The following PRKCE variants were observed in gnomAD, a reference collection of about 807,000 sequenced individuals.
PRKCE encodes protein kinase C epsilon type.
A neutral mutation model predicts 85.4 loss-of-function variants in PRKCE; 16 were observed. The observed-to-expected ratio is 0.19, with a 90% confidence interval of 0.13 to 0.28. The LOEUF is 0.28. Among genes scored for constraint, PRKCE ranks in the 10% least tolerant of loss-of-function variants. The probability of loss-of-function intolerance (pLI) is 1.00; values close to 1 mark genes in which losing one functional copy is unlikely to be tolerated. For synonymous variants in PRKCE, 388 were observed against 371.5 expected, an observed-to-expected ratio of 1.04 and a Z score of -0.51; for missense variants, 573 against 975.2, an observed-to-expected ratio of 0.59 and a Z score of 5.49.
chr2:46,165,576 G>T (rs3768734), intron 14 of PRKCE, among the ~76,000 whole-genome samples: 4,490 of 152,348 alleles, frequency 0.029, 83 homozygotes, highest in East Asian at 0.081. Context: ...TGATGGCCTT[G>T]TCTAATTGCC....
intron 10 of PRKCE, among the ~76,000 whole-genome samples, chr2:46,059,157 A>G (rs910448627): frequency 2.6e-5 from 4 of 151,994 alleles, no homozygotes; most frequent in Admixed American, 2.0e-4. Context: ...AGGCTGAGCC[A>G]TGAGGATCAC....
In PRKCE at chr2:46,096,938, G is replaced by A. The variant is rs1386845124; in HGVS notation, c.1592+10576G>A. The stretch of plus-strand genomic sequence containing the variant: ...TTGTAATAGTTAAATAAGCTACTGG[G>A]CATAAAAATGTCTCTGGGGTTGTTT... On this transcript the variant is annotated intron_variant, in intron 11 of 14. Coordinates refer to ENST00000306156, the MANE Select transcript of PRKCE (RefSeq NM_005400.3). 4.8e-4 allele frequency among the ~76,000 whole-genome samples: 73 copies of A among 152,148 alleles called. 1 individual carries two copies. The highest frequency in any genetic ancestry group is 4.3e-3 in the Admixed American group (66 of 15,278).
intron 2 of PRKCE, among the ~76,000 whole-genome samples, chr2:45,928,155 G>A (rs964173417): frequency 6.6e-6 from 1 of 152,218 alleles, no homozygotes; most frequent in Admixed American, 6.5e-5. Flanking sequence ...GTTCTGTGTT[G>A]TGATCTATGG....
chr2:45,661,064 G>A (rs79682026), intron 1 of PRKCE, among the ~76,000 whole-genome samples: 630 of 152,330 alleles, frequency 4.1e-3, no homozygotes, highest in African/African-American at 0.014. Context: ...CCACCTTGAA[G>A]TCTCAAAGAG....
intron 11 of PRKCE, among the ~76,000 whole-genome samples, chr2:46,104,770 T>A (rs1671559903): frequency 6.6e-6 from 1 of 152,134 alleles, no homozygotes; most frequent in Non-Finnish European, 1.5e-5. Flanking sequence ...TGAAACCAAT[T>A]GTCCAATGAA....
Position 45,761,282 on chromosome 2 carries a change from A to C in PRKCE, c.349-81718A>C, listed in dbSNP as rs796413513. Among the ~76,000 whole-genome samples, 29 of 143,576 alleles carry C rather than the reference A, an allele frequency of 2.0e-4. No individual in the cohort carries two copies. The East Asian group carries it at 4.0e-3, about 20-fold the overall frequency. 94.2% of individuals were successfully genotyped at this position (143,576 alleles called of 152,430 possible). On this transcript the variant is annotated intron_variant, in intron 1 of 14. Coordinates refer to ENST00000306156, the MANE Select transcript of PRKCE (RefSeq NM_005400.3). ...GCAGAGCTTGCAGTAAGCCGAGATC[A>C]CACCACTGCACTCCAGCCTGGGCGA...
intron 1 of PRKCE, among the ~76,000 whole-genome samples, chr2:45,715,596 T>A (rs1680021479): frequency 6.6e-6 from 1 of 152,178 alleles, no homozygotes; most frequent in Non-Finnish European, 1.5e-5. Flanking sequence ...CTTCTGAAAT[T>A]TTCTACAAGA....
chr2:45,920,190 G>T (rs1413310150), intron 2 of PRKCE, among the ~76,000 whole-genome samples: 1 of 152,212 alleles, frequency 6.6e-6, no homozygotes, highest in Non-Finnish European at 1.5e-5. Flanking sequence ...AGAGAAAAAT[G>T]TATCTTAAGG....
intron 2 of PRKCE, among the ~76,000 whole-genome samples, chr2:45,871,935 C>A (rs930490503): frequency 1.3e-5 from 2 of 152,154 alleles, no homozygotes; most frequent in African/African-American, 4.8e-5. Flanking sequence ...GAACTCCTGT[C>A]CCCATTCCAC....
At chr2:45,919,514 G>A (rs1698093484) in intron 2 of PRKCE, among the ~76,000 whole-genome samples, 1 of 152,224 alleles carries the variant, frequency 6.6e-6, no homozygotes, top group South Asian at 2.1e-4. Context: ...ACTTCCTCCT[G>A]CACCCCTCTT....
chr2:45,986,580 T>C (rs1315881895), intron 6 of PRKCE, among the ~76,000 whole-genome samples: 1 of 152,092 alleles, frequency 6.6e-6, no homozygotes, highest in African/African-American at 2.4e-5. Context: ...GTTTTGAATC[T>C]GTTGAGGGCA....
intron 2 of PRKCE, among the ~76,000 whole-genome samples, chr2:45,951,604 A>G (rs565073333): frequency 8.5e-5 from 13 of 152,302 alleles, no homozygotes; most frequent in African/African-American, 2.2e-4. Context: ...CCTAGGACCA[A>G]TGCAGCATCT....
intron 6 of PRKCE, among the ~76,000 whole-genome samples, chr2:45,987,796 T>C (rs1703459004): frequency 6.6e-6 from 1 of 152,198 alleles, no homozygotes; most frequent in South Asian, 2.1e-4. Context: ...CCTGGAAAAT[T>C]GCCTGCTTCC....
intron 4 of PRKCE, among the ~76,000 whole-genome samples, chr2:45,979,776 A>G (rs549033792): frequency 1.3e-5 from 2 of 152,266 alleles, no homozygotes; most frequent in South Asian, 4.2e-4. Flanking sequence ...CACTAACAAC[A>G]CAGATATAGG....
intron 10 of PRKCE, among the ~76,000 whole-genome samples, chr2:46,047,343 A>C (rs1012414105): frequency 1.3e-5 from 2 of 152,224 alleles, no homozygotes; most frequent in South Asian, 2.1e-4. Context: ...AGGGCTGATA[A>C]ACACAACTGA....
intron 10 of PRKCE, among the ~76,000 whole-genome samples, chr2:46,020,772 G>T (rs1375973904): frequency 6.6e-6 from 1 of 152,202 alleles, no homozygotes; most frequent in Admixed American, 6.5e-5. Context: ...ACAGGGACTG[G>T]GAAGGAGAGA....
At chr2:45,837,788 G>C (rs1025058281) in intron 1 of PRKCE, among the ~76,000 whole-genome samples, 2 of 152,162 alleles carry the variant, frequency 1.3e-5, no homozygotes, top group African/African-American at 4.8e-5. Flanking sequence ...GTGGGAGGAA[G>C]GTTTGGGCCC....
chr2:45,817,331 C>G lies in PRKCE; in HGVS notation c.349-25669C>G, dbSNP rs144053340. The stretch of plus-strand genomic sequence containing the variant: ...TTTAGAAGTTTAAATCAGGGTAGTC[C>G]TGTTTAATTATACAAACTCATCATC... On this transcript the variant is annotated intron_variant, in intron 1 of 14. Coordinates refer to ENST00000306156, the MANE Select transcript of PRKCE (RefSeq NM_005400.3). Among the ~76,000 whole-genome samples the G allele has an allele frequency of 1.9e-3, 287 of 152,214 alleles. 2 individuals are homozygous for G. The highest frequency in any genetic ancestry group is 6.7e-3 in the African/African-American group (277 of 41,524).
chr2:45,798,976 G>A (rs1419187367), intron 1 of PRKCE, among the ~76,000 whole-genome samples: 1 of 151,956 alleles, frequency 6.6e-6, no homozygotes, highest in Admixed American at 6.6e-5. Context: ...GACCATCCTG[G>A]CTAACATGGT....
Sources: gnomAD v4.1 joint callset for allele counts (sites outside exome capture counted in the v4.1 genomes callset) on GRCh38, gnomAD v4.1.1 for gene constraint, MANE v1.5 for transcripts, NCBI Gene and HGNC (gene_info 2026-07-23, HGNC 2026-07-21) for gene names.